The following TMTC2 variants were observed in gnomAD, a reference collection of about 807,000 sequenced individuals.
TMTC2 encodes transmembrane O-mannosyltransferase targeting cadherins 2.
In TMTC2, 43 loss-of-function variants were observed where a neutral mutation model predicts 82.4. The ratio of observed to expected loss-of-function variants is 0.52; its 90% confidence interval spans 0.41 to 0.67. The LOEUF is 0.67. Among genes scored for constraint, TMTC2 ranks in the 30% least tolerant of loss-of-function variants. TMTC2 has a pLI of 0.00. For missense variants in TMTC2, 919 were observed against 1,012.4 expected (o/e 0.91, Z 1.25); for synonymous variants, 408 against 381.9 (o/e 1.07, Z -0.80).
intron 2 of TMTC2, among the ~76,000 whole-genome samples, chr12:82,868,669 C>T (rs542352786): frequency 6.7e-6 from 1 of 149,534 alleles, no homozygotes; most frequent in Admixed American, 6.7e-5. Context: ...AGTTCAGTAA[C>T]TGCAATAGCT....
intron 8 of TMTC2, among the ~76,000 whole-genome samples, chr12:82,996,824 T>A (rs1455552153): frequency 6.6e-6 from 1 of 152,226 alleles, no homozygotes. Context: ...ATTTCTCATC[T>A]TTTGAGATGA....
At chr12:82,786,146 A>G (rs1878165784) in intron 1 of TMTC2, among the ~76,000 whole-genome samples, 1 of 151,948 alleles carries the variant, frequency 6.6e-6, no homozygotes, top group Non-Finnish European at 1.5e-5. Context: ...TTTCCTTTCC[A>G]CTAAGAAGCC....
chr12:83,026,072 G>A (rs374422293), intron 8 of TMTC2, among the ~76,000 whole-genome samples: 7 of 152,052 alleles, frequency 4.6e-5, no homozygotes, highest in Non-Finnish European at 8.8e-5. Flanking sequence ...TCCTCTTCCC[G>A]GAGAATTGTG....
At chr12:83,042,840 C>T (rs1881944632) in intron 9 of TMTC2, among the ~76,000 whole-genome samples, 2 of 152,194 alleles carry the variant, frequency 1.3e-5, no homozygotes, top group Non-Finnish European at 2.9e-5. Context: ...CCTTCCTTGC[C>T]ACCTGTCCAA....
At chr12:83,091,560 A>G (rs938185433) in intron 11 of TMTC2, among the ~76,000 whole-genome samples, 5 of 152,188 alleles carry the variant, frequency 3.3e-5, no homozygotes, top group African/African-American at 1.2e-4. Flanking sequence ...TTTTTATGTT[A>G]TTATTGACCT....
intron 11 of TMTC2, among the ~76,000 whole-genome samples, chr12:83,067,980 T>C (rs758269476): frequency 6.6e-6 from 1 of 152,116 alleles, no homozygotes; most frequent in Non-Finnish European, 1.5e-5. Context: ...AGAACATAAA[T>C]TATTTCAGAA....
chr12:83,051,377 T>C (rs1265707406), intron 10 of TMTC2, among the ~76,000 whole-genome samples: 1 of 152,056 alleles, frequency 6.6e-6, no homozygotes, highest in Non-Finnish European at 1.5e-5. Flanking sequence ...CTTCTTCCAA[T>C]GTGGCCCAGG....
intron 1 of TMTC2, among the ~76,000 whole-genome samples, chr12:82,807,600 T>C (rs1879304715): frequency 6.6e-6 from 1 of 152,078 alleles, no homozygotes; most frequent in Non-Finnish European, 1.5e-5. Context: ...TAAATCTGTT[T>C]CTGTATCTTA....
intron 1 of TMTC2, among the ~76,000 whole-genome samples, chr12:82,838,169 A>G (rs929100212): frequency 6.6e-6 from 1 of 152,182 alleles, no homozygotes; most frequent in Non-Finnish European, 1.5e-5. Context: ...ATCACAAGAT[A>G]AGGCAGGCTG....
intron 1 of TMTC2, among the ~76,000 whole-genome samples, chr12:82,815,184 CAA>C (rs1868621076): frequency 6.7e-6 from 1 of 149,970 alleles, no homozygotes; most frequent in Admixed American, 6.6e-5. Context: ...TTTTTGGAGA[CAA>C]GAGTTTAGCT....
chr12:82,700,245 G>A (rs1400787532), intron 1 of TMTC2, among the ~76,000 whole-genome samples: 1 of 152,162 alleles, frequency 6.6e-6, no homozygotes, highest in African/African-American at 2.4e-5. Flanking sequence ...TAATAGAGTT[G>A]TTGGGAGAAT....
chr12:82,764,910 A>G (rs1479698807), intron 1 of TMTC2, among the ~76,000 whole-genome samples: 1 of 151,042 alleles, frequency 6.6e-6, no homozygotes, highest in African/African-American at 2.4e-5. Context: ...TCTGCATTTT[A>G]CGTAAGACAA....
At chr12:83,089,844 A>AAACAAAG (rs1565884300) in intron 11 of TMTC2, among the ~76,000 whole-genome samples, 2 of 143,910 alleles carry the variant, frequency 1.4e-5, no homozygotes, top group Non-Finnish European at 3.0e-5. Flanking sequence ...AAAAAACAAA[A>AAACAAAG]AACAAAAAAA....
intron 11 of TMTC2, among the ~76,000 whole-genome samples, chr12:83,073,783 G>A (rs1883193467): frequency 6.6e-6 from 1 of 151,996 alleles, no homozygotes; most frequent in Non-Finnish European, 1.5e-5. Context: ...AATTTCCAGA[G>A]CATTTTTCAT....
chr12:83,087,963 A>G (rs1325743551), intron 11 of TMTC2, among the ~76,000 whole-genome samples: 1 of 152,204 alleles, frequency 6.6e-6, no homozygotes, highest in Non-Finnish European at 1.5e-5. Context: ...CTCTCTGGCT[A>G]TGAAAGTCCT....
intron 1 of TMTC2, among the ~76,000 whole-genome samples, chr12:82,848,266 C>T (rs1387881633): frequency 2.0e-5 from 3 of 152,080 alleles, no homozygotes; most frequent in Admixed American, 2.0e-4. Context: ...TCTCTCCTGT[C>T]CCAGAGTCTT....
chr12:82,944,493 C>G (rs557665208), intron 4 of TMTC2, among the ~76,000 whole-genome samples: 8 of 147,046 alleles, frequency 5.4e-5, no homozygotes, highest in Non-Finnish European at 1.0e-4. Flanking sequence ...AGGAGAAAGG[C>G]GTGAACCCGG....
intron 2 of TMTC2, among the ~76,000 whole-genome samples, chr12:82,864,359 C>T (rs954220901): frequency 2.0e-5 from 3 of 150,718 alleles, no homozygotes; most frequent in Admixed American, 1.3e-4. Context: ...ACTCGGGAGT[C>T]GGGGGTGAGG....
At chr12:82,794,143 G>A (rs898673488) in intron 1 of TMTC2, among the ~76,000 whole-genome samples, 1 of 152,094 alleles carries the variant, frequency 6.6e-6, no homozygotes, top group Admixed American at 6.5e-5. Context: ...ACTTGGTCCC[G>A]GGACAGCCTG....
Sources: gnomAD v4.1 joint callset for allele counts (sites outside exome capture counted in the v4.1 genomes callset) on GRCh38, gnomAD v4.1.1 for gene constraint, MANE v1.5 for transcripts, NCBI Gene and HGNC (gene_info 2026-07-23, HGNC 2026-07-21) for gene names.